SDCBP: variants seen among roughly 807,000 people sequenced by gnomAD.
The protein encoded by SDCBP is syntenin-1.
Under a neutral mutation model 30.5 loss-of-function variants are expected in SDCBP, and 22 were observed. That is an observed-to-expected ratio of 0.72 (90% CI 0.52 to 1.03). SDCBP has a LOEUF of 1.03. Ranked by LOEUF, SDCBP falls within the 50% of genes least tolerant of loss-of-function variation. The pLI, the probability that SDCBP is intolerant of heterozygous loss-of-function variation, is 0.00. For synonymous variants in SDCBP, 103 were observed against 118.7 expected (o/e 0.87, Z 0.86); for missense variants, 304 against 369.9 (o/e 0.82, Z 1.46).
intron 1 of SDCBP, among the ~76,000 whole-genome samples, chr8:58,559,074 T>C (rs114460149): frequency 0.011 from 1,665 of 152,312 alleles, 41 homozygotes; most frequent in African/African-American, 0.038. Flanking sequence ...TAATATTTGT[T>C]ATTTAAAAAA....
chr8:58,568,854 A>G (rs1324766860), intron 2 of SDCBP, among the ~76,000 whole-genome samples: 4 of 152,142 alleles, frequency 2.6e-5, no homozygotes, highest in Admixed American at 6.6e-5. Flanking sequence ...CTTCCCTTCT[A>G]GAAACTCCTG....
At chr8:58,554,471 T>C (rs912726948) in intron 1 of SDCBP, among the ~76,000 whole-genome samples, 3 of 152,204 alleles carry the variant, frequency 2.0e-5, no homozygotes, top group Non-Finnish European at 2.9e-5. Context: ...ATAAATCTAG[T>C]GGTTTGTGGC....
At chr8:58,560,369 A>C (rs1324115015) in intron 1 of SDCBP, 1 of 152,380 alleles carries the variant, frequency 6.6e-6, no homozygotes, top group African/African-American at 2.4e-5. Context: ...ACAGCTCAGC[A>C]GCTTGTCCCT....
rs753297120 is a variant in SDCBP at position 58,579,619 on chromosome 8, G to A, written c.579-4G>A. ...GTTTTTAATTGAACCAATTATGTTT[G>A]TAGGCCCTTTGAACGGACGATTACC... On this transcript the variant is annotated splice_region_variant and splice_polypyrimidine_tract_variant and intron_variant, in intron 6 of 8. Transcript: ENST00000260130. The A allele has an allele frequency of 2.6e-6, 4 of 1,538,272 alleles. No homozygotes were observed. Among genetic ancestry groups the A allele is most frequent in the Non-Finnish European group, 3.5e-6 (4 of 1,141,408 alleles).
intron 3 of SDCBP, 93 bp from the exon 4 acceptor site, chr8:58,572,112 G>A: frequency 1.4e-6 from 1 of 711,584 alleles, no homozygotes; most frequent in Non-Finnish European, 2.4e-6. Context: ...TAACTTAAGT[G>A]TAATTTTGTT....
intron 2 of SDCBP, among the ~76,000 whole-genome samples, chr8:58,565,501 G>A (rs1227364396): frequency 6.6e-6 from 1 of 152,126 alleles, no homozygotes; most frequent in East Asian, 1.9e-4. Flanking sequence ...AAATAGTGGC[G>A]TACATGCTGC....
At chr8:58,555,018 A>G (rs1804019595) in intron 1 of SDCBP, among the ~76,000 whole-genome samples, 1 of 152,230 alleles carries the variant, frequency 6.6e-6, no homozygotes, top group South Asian at 2.1e-4. Flanking sequence ...ACAGGCAAAC[A>G]TATAAGCTGT....
In SDCBP at chr8:58,581,765, G is replaced by A; in HGVS notation, c.*25G>A. 4 of 1,602,338 alleles carry A rather than the reference G, an allele frequency of 2.5e-6. No individual in the cohort carries two copies. Among genetic ancestry groups the A allele is most frequent in the Non-Finnish European group, 3.4e-6 (4 of 1,170,900 alleles). On this transcript the variant is annotated 3_prime_UTR_variant, in exon 9 of 9. Transcript: ENST00000260130. ...AAATTCACGGCACCATGGAAATGTA[G>A]CTGAACGTCTCCAGTTTCCTTCTTT...
chr8:58,568,820 A>G (rs749225869), intron 2 of SDCBP, among the ~76,000 whole-genome samples: 1 of 152,210 alleles, frequency 6.6e-6, no homozygotes, highest in Non-Finnish European at 1.5e-5. Context: ...CACTGCTCGA[A>G]AAATTCTTTA....
At chr8:58,576,966 C>T (rs1474457285) in intron 5 of SDCBP, among the ~76,000 whole-genome samples, 1 of 152,208 alleles carries the variant, frequency 6.6e-6, no homozygotes, top group Admixed American at 6.5e-5. Flanking sequence ...ACTTGTATGT[C>T]ACTCAAAATA....
intron 2 of SDCBP, among the ~76,000 whole-genome samples, chr8:58,569,390 G>T (rs2129607891): frequency 6.7e-6 from 1 of 149,902 alleles, no homozygotes; most frequent in East Asian, 2.0e-4. Context: ...TGCATAGGCA[G>T]GGTTTTCCTA....
At chr8:58,574,771 T>C (rs1186325567) in intron 4 of SDCBP, among the ~76,000 whole-genome samples, 1 of 152,214 alleles carries the variant, frequency 6.6e-6, no homozygotes, top group Non-Finnish European at 1.5e-5. Context: ...ACTTGATGTA[T>C]TGATAAACAC....
rs146638414 is a variant in SDCBP at position 58,572,583 on chromosome 8, T to C, written c.240+269T>C. 4.6e-3 allele frequency among the ~76,000 whole-genome samples: 696 copies of C among 152,284 alleles called. 6 individuals carry two copies. The highest frequency in any genetic ancestry group is 0.016 in the African/African-American group (661 of 41,570). On this transcript the variant is annotated intron_variant, in intron 4 of 8. Coordinates refer to ENST00000260130, the MANE Select transcript of SDCBP (RefSeq NM_005625.4). ...GCATTTAGTCAGTTACTAAGTCCTA[T>C]TGATTCTGTTTCTGTTTCTTGTATT...
intron 4 of SDCBP, among the ~76,000 whole-genome samples, chr8:58,572,987 T>C (rs1316741913): frequency 1.3e-5 from 2 of 151,936 alleles, no homozygotes; most frequent in Non-Finnish European, 2.9e-5. Flanking sequence ...TTTGTATTTT[T>C]AGTAGAGACC....
chr8:58,566,143 CAG>C (rs1237047381), intron 2 of SDCBP, among the ~76,000 whole-genome samples: 1 of 152,114 alleles, frequency 6.6e-6, no homozygotes, highest in Non-Finnish European at 1.5e-5. Context: ...AGTATTTTGT[CAG>C]TATTTTCTTC....
chr8:58,564,821 G>A (rs1010217526), intron 1 of SDCBP, among the ~76,000 whole-genome samples, 198 bp from the exon 2 acceptor site: 2 of 152,144 alleles, frequency 1.3e-5, no homozygotes, highest in African/African-American at 4.8e-5. Flanking sequence ...TTAGGGGAAG[G>A]AGAGGTAGTT....
intron 8 of SDCBP, among the ~76,000 whole-genome samples, chr8:58,581,025 G>A (rs1805657555): frequency 1.3e-5 from 2 of 152,078 alleles, no homozygotes. Context: ...AATCTCAAGA[G>A]GCAGATAGAC....
intron 1 of SDCBP, among the ~76,000 whole-genome samples, chr8:58,557,438 A>T (rs1174253357): frequency 7.4e-6 from 1 of 135,432 alleles, no homozygotes; most frequent in Non-Finnish European, 1.5e-5. Flanking sequence ...TATATATAAT[A>T]CATATAATAC....
chr8:58,573,808 A>G (rs1225581784), intron 4 of SDCBP, among the ~76,000 whole-genome samples: 1 of 152,206 alleles, frequency 6.6e-6, no homozygotes, highest in Non-Finnish European at 1.5e-5. Flanking sequence ...TTTGGAGCTG[A>G]CAAACAGTAG....
Sources: gnomAD v4.1 joint callset for allele counts (sites outside exome capture counted in the v4.1 genomes callset) on GRCh38, gnomAD v4.1.1 for gene constraint, MANE v1.5 for transcripts, NCBI Gene and HGNC (gene_info 2026-07-23, HGNC 2026-07-21) for gene names.